ITIH5: variants seen among roughly 807,000 people sequenced by gnomAD.
ITIH5 encodes the protein inter-alpha-trypsin inhibitor heavy chain 5.
ITIH5 carries 65 observed loss-of-function variants against 77.5 expected under a neutral mutation model. The ratio of observed to expected loss-of-function variants is 0.84; its 90% CI spans 0.69 to 1.03. The LOEUF is 1.03. Ranked by LOEUF, ITIH5 falls within the 50% of genes least tolerant of loss-of-function variation. ITIH5 has a pLI of 0.00. For synonymous variants in ITIH5, 525 were observed against 494.3 expected (o/e 1.06, Z -0.82); for missense variants, 1,208 against 1,213.1 (o/e 1.00, Z 0.06).
chr10:7,575,979 C>T (rs1213928952), intron 10 of ITIH5, among the ~76,000 whole-genome samples: 1 of 152,184 alleles, frequency 6.6e-6, no homozygotes, highest in Non-Finnish European at 1.5e-5. Context: ...CAACAGTCTA[C>T]AATACTCCCT....
intron 2 of ITIH5, among the ~76,000 whole-genome samples, chr10:7,647,688 G>C (rs1480149596): frequency 6.6e-6 from 1 of 152,136 alleles, no homozygotes; most frequent in East Asian, 1.9e-4. Context: ...CCAACTCTAT[G>C]TCATTTCTGA....
intron 1 of ITIH5, among the ~76,000 whole-genome samples, chr10:7,661,096 T>C (rs1834269461): frequency 6.6e-6 from 1 of 152,238 alleles, no homozygotes; most frequent in Non-Finnish European, 1.5e-5. Flanking sequence ...ATCTAGGTTG[T>C]GTTCTCCTTA....
chr10:7,657,675 AG>A (rs1219843350), intron 1 of ITIH5, among the ~76,000 whole-genome samples: 3 of 152,226 alleles, frequency 2.0e-5, no homozygotes, highest in Non-Finnish European at 4.4e-5. Flanking sequence ...CTGGACTTCG[AG>A]GTTGTTCTCC....
intron 1 of ITIH5, among the ~76,000 whole-genome samples, chr10:7,661,329 G>C (rs950753682): frequency 1.1e-4 from 17 of 152,164 alleles, no homozygotes; most frequent in African/African-American, 4.1e-4. Context: ...AGAGGGATCT[G>C]TACAAGGAAT....
At chr10:7,630,292 G>T (rs1833691605) in intron 5 of ITIH5, among the ~76,000 whole-genome samples, 1 of 152,186 alleles carries the variant, frequency 6.6e-6, no homozygotes, top group African/African-American at 2.4e-5. Flanking sequence ...ATAACTGTTG[G>T]TTATGACAGT....
chr10:7,628,753 CAGCGTGTGTCCATGTTGT>C lies in ITIH5; in HGVS notation c.652+8457_652+8474del, dbSNP rs1305371439. On this transcript the variant is annotated intron_variant, in intron 5 of 13. Coordinates refer to ENST00000397146, the MANE Select transcript of ITIH5 (RefSeq NM_030569.7). ...CATGTTGCAGCGTGTGTCCATGTTG[CAGCGTGTGTCCATGTTGT>C]AGCGTGTGTCCATGTTATCATATGT... 9.3e-4 allele frequency among the ~76,000 whole-genome samples: 63 copies of C among 67,542 alleles called. 4 individuals are homozygous for C. Among genetic ancestry groups the C allele is most frequent in the East Asian group, 2.2e-3 (6 of 2,710 alleles). 44.3% of individuals were successfully genotyped at this position (67,542 alleles called of 152,430 possible).
intron 7 of ITIH5, among the ~76,000 whole-genome samples, chr10:7,596,155 C>T (rs112496833): frequency 0.013 from 1,928 of 152,302 alleles, 21 homozygotes; most frequent in South Asian, 0.027. Context: ...CTGTCCTGCA[C>T]ACCACAGGCC....
chr10:7,644,778 TCA>T (rs1209750674), intron 2 of ITIH5, among the ~76,000 whole-genome samples: 59 of 140,310 alleles, frequency 4.2e-4, no homozygotes, highest in Non-Finnish European at 4.7e-4. Context: ...ATCATATATA[TCA>T]CATATATATC....
Position 7,579,775 on chromosome 10 carries a change from GTCC to G in ITIH5, c.1395_1397del (p.Glu465del), listed in dbSNP as rs1564241318. On this transcript the variant is annotated inframe_deletion, in exon 9 of 14. Transcript: ENST00000397146. ...CAGACCCGATGAGCTGCGAGCCTGC[GTCC>G]TCCTCCTCGTGCACGCGCCGTGTGA... The G allele has an allele frequency of 6.8e-6, 11 of 1,613,758 alleles. No individual in the cohort carries two copies. Among genetic ancestry groups the G allele is most frequent in the Non-Finnish European group, 9.3e-6 (11 of 1,179,912 alleles).
intron 7 of ITIH5, among the ~76,000 whole-genome samples, chr10:7,589,386 G>A (rs558879385): frequency 6.6e-6 from 1 of 152,284 alleles, no homozygotes; most frequent in African/African-American, 2.4e-5. Context: ...TTGAACCCGG[G>A]CAGTGGAAGT....
intron 5 of ITIH5, chr10:7,621,736 C>T (rs561878573): frequency 3.3e-5 from 5 of 152,148 alleles, no homozygotes; most frequent in East Asian, 3.9e-4. Flanking sequence ...GCTGTTCCAC[C>T]GTTACTGACC....
chr10:7,649,389 G>C (rs1413081411), intron 2 of ITIH5, among the ~76,000 whole-genome samples: 2 of 151,632 alleles, frequency 1.3e-5, no homozygotes, highest in Non-Finnish European at 2.9e-5. Flanking sequence ...TGCTTAACAT[G>C]TTGTTCTTTT....
chr10:7,588,136 C>T (rs1181152580), intron 7 of ITIH5, among the ~76,000 whole-genome samples: 2 of 152,226 alleles, frequency 1.3e-5, no homozygotes, highest in Non-Finnish European at 2.9e-5. Context: ...CTAATCCCAA[C>T]ACTTTGGGAG....
chr10:7,655,207 C>CA (rs1224159791), intron 2 of ITIH5, among the ~76,000 whole-genome samples: 1 of 152,098 alleles, frequency 6.6e-6, no homozygotes, highest in Non-Finnish European at 1.5e-5. Flanking sequence ...GCCCCGGTCC[C>CA]AATCTCTTAG....
chr10:7,639,142 T>C (rs1469398950), intron 4 of ITIH5, among the ~76,000 whole-genome samples: 1 of 152,198 alleles, frequency 6.6e-6, no homozygotes, highest in Non-Finnish European at 1.5e-5. Flanking sequence ...TAGGTTTTAA[T>C]AACTTGCCAC....
intron 1 of ITIH5, among the ~76,000 whole-genome samples, chr10:7,665,523 C>T (rs1306912630): frequency 6.6e-6 from 1 of 152,216 alleles, no homozygotes; most frequent in Non-Finnish European, 1.5e-5. Flanking sequence ...GGTCCCAGAG[C>T]TGATAAGTGA....
At chr10:7,651,739 C>T (rs1382277925) in intron 2 of ITIH5, among the ~76,000 whole-genome samples, 1 of 152,174 alleles carries the variant, frequency 6.6e-6, no homozygotes, top group Non-Finnish European at 1.5e-5. Context: ...CAATCCTAAA[C>T]CTCCTCAGCC....
intron 7 of ITIH5, among the ~76,000 whole-genome samples, chr10:7,594,043 T>G (rs186926884): frequency 2.7e-4 from 41 of 152,354 alleles, no homozygotes; most frequent in African/African-American, 8.9e-4. Context: ...GTTCAGATGC[T>G]GAAGACGAAC....
At chr10:7,569,218 C>T (rs1970178) in intron 12 of ITIH5, 31,946 of 151,978 alleles carry the variant, frequency 0.21, 4,058 homozygotes, top group East Asian at 0.42. Context: ...GGGGTTTCAC[C>T]ATGTTGGCCA....
Sources: gnomAD v4.1 joint callset for allele counts (sites outside exome capture counted in the v4.1 genomes callset) on GRCh38, gnomAD v4.1.1 for gene constraint, MANE v1.5 for transcripts, NCBI Gene and HGNC (gene_info 2026-07-23, HGNC 2026-07-21) for gene names.